The following ANK3 variants were observed in gnomAD, a reference collection of about 807,000 sequenced individuals.
ANK3 encodes the protein ankyrin-3.
Under a neutral mutation model 370.9 loss-of-function variants are expected in ANK3, and 57 were observed. The ratio of observed to expected loss-of-function variants is 0.15; its 90% CI spans 0.12 to 0.19. ANK3 has a LOEUF of 0.19. ANK3 is among the 10% of genes least tolerant of loss of function. The pLI is 1.00. For synonymous variants in ANK3, 1,929 were observed against 1,946.3 expected, an observed-to-expected ratio of 0.99 and a Z score of 0.23; for missense variants, 4,439 against 5,302.1, an observed-to-expected ratio of 0.84 and a Z score of 5.06.
intron 2 of ANK3, among the ~76,000 whole-genome samples, chr10:60,570,207 A>G (rs1456548395): frequency 6.6e-6 from 1 of 152,216 alleles, no homozygotes; most frequent in African/African-American, 2.4e-5. Context: ...TTTAGTGTCA[A>G]CTGCATACAA....
chr10:60,030,140 G>C (rs2073074339), intron 43 of ANK3, among the ~76,000 whole-genome samples: 1 of 151,574 alleles, frequency 6.6e-6, no homozygotes, highest in East Asian at 1.9e-4. Flanking sequence ...AGACCACCTG[G>C]TTCAACTTTT....
In ANK3 at chr10:60,684,822, A is replaced by G. The variant is rs1377777370; in HGVS notation, c.57+48441T>C. On this transcript the variant is annotated intron_variant, in intron 1 of 43. Coordinates refer to the ANK3 transcript ENST00000373827. ...TTCTTATGGACTCTGTTGATATCGA[A>G]AGGATGGAAGAAGCCAAAACTGAAC... 4.6e-6 allele frequency: 7 copies of G among 1,527,454 alleles called. No individual in the cohort carries two copies. In the South Asian group the frequency reaches 6.9e-5, roughly 15 times the overall value. The allele number at this position is 1,527,454 out of a possible 1,614,324, so 94.6% of individuals were successfully genotyped here.
At chr10:60,664,083 C>T (rs1180273550) in intron 1 of ANK3, among the ~76,000 whole-genome samples, 1 of 152,192 alleles carries the variant, frequency 6.6e-6, no homozygotes, top group African/African-American at 2.4e-5. Context: ...ACTCAGCTTC[C>T]CACCGCGCTG....
intron 25 of ANK3, among the ~76,000 whole-genome samples, chr10:60,128,499 C>T (rs1029741226): frequency 2.6e-5 from 4 of 152,096 alleles, no homozygotes; most frequent in African/African-American, 9.7e-5. Flanking sequence ...CCTGCCTCAG[C>T]CTCCCGAGTA....
intron 2 of ANK3, among the ~76,000 whole-genome samples, chr10:60,409,518 AAG>A (rs1243088110): frequency 1.3e-5 from 2 of 152,230 alleles, no homozygotes; most frequent in Non-Finnish European, 2.9e-5. Flanking sequence ...TTTTTAAAAA[AAG>A]AAAATGAAGC....
rs549058119 is a variant in ANK3, at chr10:60,442,302, G to A, written c.97-162663C>T. Among the ~76,000 whole-genome samples, 31 of 151,918 alleles carry A rather than the reference G, an allele frequency of 2.0e-4. No homozygotes were observed. The South Asian group carries it at 2.9e-3, about 14-fold the overall frequency. On this transcript the variant is annotated intron_variant, in intron 2 of 43. Coordinates refer to the ANK3 transcript ENST00000373827. ...GTAGAGACAGGGTTTCACAAAATTG[G>A]TCAGGCTGATCTCAAACTCCTGACC...
chr10:60,589,333 T>A (rs555676720), intron 2 of ANK3, among the ~76,000 whole-genome samples: 27 of 152,304 alleles, frequency 1.8e-4, no homozygotes, highest in African/African-American at 6.5e-4. Context: ...TGATAAAAAG[T>A]TTAGGCAAAA....
chr10:60,266,709 T>C lies in ANK3; in HGVS notation c.514-2689A>G, dbSNP rs180711788. Among the ~76,000 whole-genome samples, 11 of 152,268 alleles carry C rather than the reference T, an allele frequency of 7.2e-5. No individual in the cohort carries two copies. In the East Asian group the frequency reaches 1.9e-3, roughly 27 times the overall value. On this transcript the variant is annotated intron_variant, in intron 5 of 43. Transcript: ENST00000280772. The stretch of plus-strand genomic sequence containing the variant: ...AGACACAAAGATACCAGCTCTAAGG[T>C]GTTAATAGCTAAAATTAGCAGCTCC...
rs1242218948 is a variant in ANK3 at position 60,248,534 on chromosome 10, A to G, written c.798+13325T>C. On this transcript the variant is annotated intron_variant, in intron 7 of 43. Coordinates refer to ENST00000280772, the MANE Select transcript of ANK3 (RefSeq NM_020987.5). The stretch of plus-strand genomic sequence containing the variant: ...TTAGAAAAAGAGTTCTGCTACAAAA[A>G]AAAGGACACCACTGATTTTGACCAA... Among the ~76,000 whole-genome samples the G allele has an allele frequency of 3.3e-5, 5 of 152,344 alleles. No individual in the cohort carries two copies. In the East Asian group the frequency reaches 5.8e-4, roughly 18 times the overall value.
chr10:60,602,516 A>G (rs1008264787), intron 2 of ANK3, among the ~76,000 whole-genome samples: 2 of 152,140 alleles, frequency 1.3e-5, no homozygotes, highest in Non-Finnish European at 2.9e-5. Context: ...AGACCTTACC[A>G]TTTGAAAAGG....
intron 2 of ANK3, among the ~76,000 whole-genome samples, chr10:60,412,603 C>T (rs2063582395): frequency 6.6e-6 from 1 of 152,150 alleles, no homozygotes; most frequent in Non-Finnish European, 1.5e-5. Flanking sequence ...CTCCAGAACA[C>T]CCTAACTAAT....
rs564532809 is a variant in ANK3 at position 60,028,859 on chromosome 10, T to C, written c.*987A>G. On this transcript the variant is annotated 3_prime_UTR_variant, in exon 44 of 44. Coordinates refer to ENST00000280772, the MANE Select transcript of ANK3 (RefSeq NM_020987.5). ...CCTAAAGCAACTACCGTATAGGTTATTTTTTTTTGTTGTTTTTAGGTCATT... is the reference window on the plus strand; with the variant it reads ...CCTAAAGCAACTACCGTATAGGTTACTTTTTTTTGTTGTTTTTAGGTCATT... 1 of 149,450 alleles carries C rather than the reference T, an allele frequency of 6.7e-6. No homozygotes were observed. Among genetic ancestry groups the C allele is most frequent in the East Asian group, 2.0e-4 (1 of 5,114 alleles). 9.3% of individuals were successfully genotyped at this position (149,450 alleles called of 1,614,324 possible). A position where few individuals can be genotyped will look rare whatever the true frequency, so the allele number is the denominator to read the frequency against.
chr10:60,681,104 T>A (rs1373900722), intron 1 of ANK3, among the ~76,000 whole-genome samples: 1 of 152,166 alleles, frequency 6.6e-6, no homozygotes, highest in Non-Finnish European at 1.5e-5. Flanking sequence ...CAAGTCCAAG[T>A]CCTGCCAGTT....
At chr10:60,588,247 C>G (rs916949876) in intron 2 of ANK3, among the ~76,000 whole-genome samples, 29 of 150,644 alleles carry the variant, frequency 1.9e-4, no homozygotes, top group African/African-American at 7.1e-4. Context: ...TGCAGTGGCG[C>G]GATCTCAGCT....
chr10:60,346,251 C>A (rs1019996946), intron 1 of ANK3, among the ~76,000 whole-genome samples: 1 of 151,798 alleles, frequency 6.6e-6, no homozygotes, highest in Non-Finnish European at 1.5e-5. Context: ...ATAATTTATA[C>A]TTTTGTGTAC....
At chr10:60,476,657 C>T (rs2075072873) in intron 2 of ANK3, among the ~76,000 whole-genome samples, 1 of 152,132 alleles carries the variant, frequency 6.6e-6, no homozygotes, top group South Asian at 2.1e-4. Flanking sequence ...ACTGAATTTA[C>T]AGTCAAAATT....
intron 2 of ANK3, among the ~76,000 whole-genome samples, chr10:60,546,723 A>G (rs1242419184): frequency 6.6e-6 from 1 of 152,220 alleles, no homozygotes; most frequent in Non-Finnish European, 1.5e-5. Context: ...AGGAAAAACA[A>G]TAATTACATT....
intron 2 of ANK3, among the ~76,000 whole-genome samples, chr10:60,556,232 T>C (rs2077203867): frequency 6.6e-6 from 1 of 152,222 alleles, no homozygotes; most frequent in Non-Finnish European, 1.5e-5. Flanking sequence ...ACCTCTGAAT[T>C]ACTTCTCTTG....
chr10:60,513,319 G>A (rs1246393318), intron 2 of ANK3, among the ~76,000 whole-genome samples: 1 of 152,014 alleles, frequency 6.6e-6, no homozygotes, highest in African/African-American at 2.4e-5. Flanking sequence ...CAAAGTAATT[G>A]GGGATATTTA....
Sources: gnomAD v4.1 joint callset for allele counts (sites outside exome capture counted in the v4.1 genomes callset) on GRCh38, gnomAD v4.1.1 for gene constraint, MANE v1.5 for transcripts, NCBI Gene and HGNC (gene_info 2026-07-23, HGNC 2026-07-21) for gene names.